The following PTAR1 variants were observed in gnomAD, a reference collection of about 807,000 sequenced individuals.
PTAR1 encodes the protein protein prenyltransferase alpha subunit repeat-containing protein 1.
A neutral mutation model predicts 45.5 loss-of-function variants in PTAR1; 17 were observed. The ratio of observed to expected loss-of-function variants is 0.37; its 90% CI spans 0.26 to 0.56. The LOEUF (loss-of-function observed/expected upper bound fraction) is 0.56, where lower values mean the gene tolerates loss of function less well. PTAR1 is among the 20% of genes least tolerant of loss of function. The pLI is 0.77. For missense variants in PTAR1, 391 were observed against 476.3 expected (o/e 0.82, Z 1.67); for synonymous variants, 169 against 171.3 (o/e 0.99, Z 0.11).
intron 4 of PTAR1, among the ~76,000 whole-genome samples, chr9:69,733,832 TTGAG>T (rs954665216): frequency 1.3e-5 from 2 of 152,166 alleles, no homozygotes; most frequent in African/African-American, 4.8e-5. Flanking sequence ...CTAACATTTA[TTGAG>T]TATTTAATAT....
At chr9:69,737,406 A>G (rs1825840542) in intron 3 of PTAR1, among the ~76,000 whole-genome samples, 1 of 152,140 alleles carries the variant, frequency 6.6e-6, no homozygotes, top group African/African-American at 2.4e-5. Context: ...AAAAAAATCA[A>G]CTGCTCTAAT....
chr9:69,746,054 G>GTAACATATACA (rs1826260883), intron 2 of PTAR1, among the ~76,000 whole-genome samples: 1 of 152,144 alleles, frequency 6.6e-6, no homozygotes, highest in East Asian at 1.9e-4. Flanking sequence ...TACAACCATA[G>GTAACATATACA]GCCCTTCTCT....
At chr9:69,733,176 G>T (rs73444511) in intron 4 of PTAR1, among the ~76,000 whole-genome samples, 6,767 of 152,044 alleles carry the variant, frequency 0.045, 511 homozygotes, top group African/African-American at 0.15. Context: ...CAAACTGATG[G>T]ATGCATATTT....
At position 69,734,258 on chromosome 9, in the gene PTAR1, T is replaced by TAAAAAA. The variant is rs398010830; in HGVS notation, c.324-10_324-5dup. The TAAAAAA allele has an allele frequency of 4.9e-4, 102 of 207,632 alleles. No homozygotes were observed. Among genetic ancestry groups the TAAAAAA allele is most frequent in the South Asian group, 2.1e-3 (23 of 10,966 alleles). 12.9% of individuals were successfully genotyped at this position (207,632 alleles called of 1,614,324 possible). A position where few individuals can be genotyped will look rare whatever the true frequency, so the allele number is the denominator to read the frequency against. Reference sequence around the variant, plus strand: ...GCCAGAGAGGATCAGCTCTTTCCTGTAAAAAAAAAAAAAAAAAAAAAAAAA... The same window carrying TAAAAAA: ...GCCAGAGAGGATCAGCTCTTTCCTGTAAAAAAAAAAAAAAAAAAAAAAAAAAAAAAA... On this transcript the variant is annotated splice_polypyrimidine_tract_variant and splice_region_variant and intron_variant, in intron 3 of 7. Transcript: ENST00000340434.
At chr9:69,722,273 A>AAATGCTATGCTATGGCCTAAATG (rs1825045944) in intron 6 of PTAR1, among the ~76,000 whole-genome samples, 1 of 152,248 alleles carries the variant, frequency 6.6e-6, no homozygotes, top group Non-Finnish European at 1.5e-5. Flanking sequence ...ATTTACAAAT[A>AAATGCTATGCTATGGCCTAAATG]CAATGCTATG....
chr9:69,744,654 G>GA (rs1826193877), intron 2 of PTAR1, among the ~76,000 whole-genome samples: 1 of 152,052 alleles, frequency 6.6e-6, no homozygotes, highest in African/African-American at 2.4e-5. Context: ...CCAAAGTGCT[G>GA]GCATTACAGG....
At chr9:69,721,620 G>C (rs1825011824) in intron 6 of PTAR1, among the ~76,000 whole-genome samples, 1 of 152,134 alleles carries the variant, frequency 6.6e-6, no homozygotes, top group Non-Finnish European at 1.5e-5. Flanking sequence ...ATGAAAGGAA[G>C]AGTCAAACTT....
Position 69,709,537 on chromosome 9 carries a change from A to C in PTAR1, c.*8805T>G, listed in dbSNP as rs1196381535. ...CACTTAACACTCATTTTAGGAGATA[A>C]AAGGTTTACTTAGAAATTGCAAACA... On this transcript the variant is annotated 3_prime_UTR_variant, in exon 8 of 8. Coordinates refer to ENST00000340434, the MANE Select transcript of PTAR1 (RefSeq NM_001099666.2). 6.6e-6 allele frequency: 1 copy of C among 152,222 alleles called. No homozygotes were observed. Among genetic ancestry groups the C allele is most frequent in the Non-Finnish European group, 1.5e-5 (1 of 68,024 alleles). The allele number at this position is 152,222 out of a possible 1,614,324, so 9.4% of individuals were successfully genotyped here. A position where few individuals can be genotyped will look rare whatever the true frequency, so the allele number is the denominator to read the frequency against.
intron 6 of PTAR1, among the ~76,000 whole-genome samples, chr9:69,719,112 C>T (rs1446417747): frequency 6.6e-6 from 1 of 152,072 alleles, no homozygotes. Flanking sequence ...ATGAACAGTT[C>T]CTTTAGAGGC....
At chr9:69,725,605 T>A (rs12337710) in intron 5 of PTAR1, among the ~76,000 whole-genome samples, 5,490 of 121,344 alleles carry the variant, frequency 0.045, 188 homozygotes, top group African/African-American at 0.098. Flanking sequence ...AGAAAAAAAA[T>A]ATATATATAT....
intron 2 of PTAR1, among the ~76,000 whole-genome samples, chr9:69,747,110 G>A (rs13287102): frequency 0.29 from 43,437 of 152,088 alleles, 7,659 homozygotes; most frequent in Admixed American, 0.4. Flanking sequence ...TTACTCGTTT[G>A]ACAAATGTCT....
chr9:69,753,420 C>T (rs915191388), intron 1 of PTAR1, among the ~76,000 whole-genome samples: 2 of 151,972 alleles, frequency 1.3e-5, no homozygotes, highest in South Asian at 4.1e-4. Flanking sequence ...ACTTCTTGTC[C>T]CTCTAAAAGA....
intron 5 of PTAR1, among the ~76,000 whole-genome samples, chr9:69,728,820 T>C (rs1238164004): frequency 6.6e-6 from 1 of 152,202 alleles, no homozygotes; most frequent in East Asian, 1.9e-4. Context: ...AATTCCACCC[T>C]ATACTACTTT....
At chr9:69,744,609 C>T (rs530190438) in intron 2 of PTAR1, among the ~76,000 whole-genome samples, 1 of 152,268 alleles carries the variant, frequency 6.6e-6, no homozygotes, top group South Asian at 2.1e-4. Flanking sequence ...TGGTCTTGAA[C>T]TCCCGAGCTC....
At chr9:69,756,254 A>G (rs997353081) in intron 1 of PTAR1, among the ~76,000 whole-genome samples, 2 of 151,976 alleles carry the variant, frequency 1.3e-5, no homozygotes, top group Non-Finnish European at 2.9e-5. Context: ...GCTTTTCTTC[A>G]CCCCTCATGT....
intron 5 of PTAR1, among the ~76,000 whole-genome samples, chr9:69,731,780 CTT>C (rs1201668636): frequency 1.3e-5 from 2 of 152,150 alleles, no homozygotes; most frequent in Non-Finnish European, 2.9e-5. Context: ...AGCCAGCTGA[CTT>C]AGTATATTGT....
At chr9:69,746,700 G>C (rs985074832) in intron 2 of PTAR1, among the ~76,000 whole-genome samples, 3 of 152,232 alleles carry the variant, frequency 2.0e-5, no homozygotes. Flanking sequence ...ACGCCACAGG[G>C]AGAAAAAGAA....
At chr9:69,722,702 G>C (rs1825072429) in intron 6 of PTAR1, among the ~76,000 whole-genome samples, 2 of 151,716 alleles carry the variant, frequency 1.3e-5, no homozygotes, top group Non-Finnish European at 2.9e-5. Context: ...ACTTTGGGAG[G>C]CCAAGGCAGG....
chr9:69,728,381 G>T (rs1825380924), intron 5 of PTAR1, among the ~76,000 whole-genome samples: 1 of 152,060 alleles, frequency 6.6e-6, no homozygotes, highest in African/African-American at 2.4e-5. Context: ...TTAATATATA[G>T]TGATTCTATG....
Sources: gnomAD v4.1 joint callset for allele counts (sites outside exome capture counted in the v4.1 genomes callset) on GRCh38, gnomAD v4.1.1 for gene constraint, MANE v1.5 for transcripts, NCBI Gene and HGNC (gene_info 2026-07-23, HGNC 2026-07-21) for gene names.